PTPRM: variants seen among roughly 807,000 people sequenced by gnomAD.
PTPRM encodes protein tyrosine phosphatase receptor type M, also known as receptor-type tyrosine-protein phosphatase mu.
A neutral mutation model predicts 186.7 loss-of-function variants in PTPRM; 47 were observed. The ratio of observed to expected loss-of-function variants is 0.25; its 90% CI spans 0.20 to 0.32. PTPRM has a LOEUF of 0.32. Among genes scored for constraint, PTPRM ranks in the 10% least tolerant of loss-of-function variants. PTPRM has a pLI of 1.00. For synonymous variants in PTPRM, 668 were observed against 674.9 expected (o/e 0.99, Z 0.16); for missense variants, 1,494 against 1,865.0 (o/e 0.80, Z 3.66).
At chr18:7,933,746 G>T (rs149037601) in intron 5 of PTPRM, among the ~76,000 whole-genome samples, 2 of 152,294 alleles carry the variant, frequency 1.3e-5, no homozygotes, top group African/African-American at 2.4e-5. Flanking sequence ...AGAGGAAATC[G>T]TTTCTCTCTG....
At chr18:8,383,463 C>T (rs987886609) in intron 29 of PTPRM, among the ~76,000 whole-genome samples, 2 of 152,076 alleles carry the variant, frequency 1.3e-5, no homozygotes, top group African/African-American at 2.4e-5. Context: ...AGCAGTTCTT[C>T]CTTCCTGACT....
chr18:7,685,404 A>G (rs1419491528), intron 1 of PTPRM, among the ~76,000 whole-genome samples: 1 of 152,246 alleles, frequency 6.6e-6, no homozygotes, highest in African/African-American at 2.4e-5. Flanking sequence ...CTTAAAGATG[A>G]TAGTAAACGT....
chr18:7,854,863 C>G (rs1418087393), intron 2 of PTPRM, among the ~76,000 whole-genome samples: 2 of 151,796 alleles, frequency 1.3e-5, no homozygotes, highest in African/African-American at 4.8e-5. Flanking sequence ...TTGCTTCATC[C>G]AGCCGACCTA....
intron 11 of PTPRM, among the ~76,000 whole-genome samples, chr18:8,112,445 GT>G (rs2091797548): frequency 6.6e-6 from 1 of 152,154 alleles, no homozygotes; most frequent in Admixed American, 6.5e-5. Flanking sequence ...GCATTAATGG[GT>G]TCTTGTACTG....
At chr18:7,890,044 G>A (rs1164947378) in intron 3 of PTPRM, among the ~76,000 whole-genome samples, 1 of 152,192 alleles carries the variant, frequency 6.6e-6, no homozygotes, top group East Asian at 1.9e-4. Context: ...CCTAACTTAG[G>A]ATCAAAGTGG....
chr18:7,818,498 G>C (rs1318901360), intron 2 of PTPRM, among the ~76,000 whole-genome samples: 1 of 152,176 alleles, frequency 6.6e-6, no homozygotes, highest in African/African-American at 2.4e-5. Flanking sequence ...TGGACTCTGA[G>C]GTTGTATTCA....
intron 2 of PTPRM, among the ~76,000 whole-genome samples, chr18:7,865,840 T>C (rs945898300): frequency 2.0e-5 from 3 of 152,196 alleles, no homozygotes; most frequent in Non-Finnish European, 2.9e-5. Flanking sequence ...GGTAGGCTAT[T>C]AATTACTGCC....
intron 1 of PTPRM, among the ~76,000 whole-genome samples, chr18:7,635,118 A>C (rs2144117642): frequency 6.6e-6 from 1 of 152,282 alleles, no homozygotes; most frequent in East Asian, 1.9e-4. Flanking sequence ...AAAGAACTTA[A>C]AATTTGCATT....
intron 2 of PTPRM, among the ~76,000 whole-genome samples, chr18:7,883,533 C>A (rs1448358642): frequency 6.6e-6 from 1 of 152,144 alleles, no homozygotes; most frequent in Non-Finnish European, 1.5e-5. Flanking sequence ...CTGCAGGTTG[C>A]TAGACTTTCA....
chr18:8,272,900 A>T (rs1309091214), intron 19 of PTPRM, among the ~76,000 whole-genome samples: 2 of 152,180 alleles, frequency 1.3e-5, no homozygotes, highest in Non-Finnish European at 2.9e-5. Context: ...TAAGGAAAAT[A>T]CAAGTTTAGA....
chr18:7,686,222 A>C (rs999101004), intron 1 of PTPRM, among the ~76,000 whole-genome samples: 1 of 152,226 alleles, frequency 6.6e-6, no homozygotes, highest in Non-Finnish European at 1.5e-5. Flanking sequence ...AAATCCATCA[A>C]AATGACTCGG....
chr18:7,827,649 A>G (rs565291549), intron 2 of PTPRM, among the ~76,000 whole-genome samples: 1 of 152,260 alleles, frequency 6.6e-6, no homozygotes, highest in Non-Finnish European at 1.5e-5. Context: ...TTTGTACATC[A>G]GAAGCCAAAA....
In PTPRM at chr18:7,657,596, G is replaced by A. The variant is rs185120980; in HGVS notation, c.73+89705G>A. Among the ~76,000 whole-genome samples the A allele has an allele frequency of 4.7e-3, 719 of 152,214 alleles. 24 individuals are homozygous for A. The highest frequency in any genetic ancestry group is 0.04 in the Admixed American group (604 of 15,284). On this transcript the variant is annotated intron_variant, in intron 1 of 32. Transcript: ENST00000580170. ...AGCTCCATTACTCATTTTCTATGCC[G>A]TATTCTACTCAAATTACACAGTGAT... is the stretch of plus-strand genomic sequence containing the variant.
intron 3 of PTPRM, among the ~76,000 whole-genome samples, chr18:7,897,525 A>T (rs1482616147): frequency 3.9e-5 from 6 of 152,244 alleles, no homozygotes. Context: ...TCAAGAAGCC[A>T]CTGGGGACAC....
chr18:7,767,628 C>T (rs1335694422), intron 1 of PTPRM, among the ~76,000 whole-genome samples: 3 of 152,096 alleles, frequency 2.0e-5, no homozygotes, highest in Non-Finnish European at 2.9e-5. Context: ...TAAATATCCT[C>T]CATTATGCAA....
At chr18:8,380,217 C>T in intron 28 of PTPRM, 79 bp from the exon 29 acceptor site, 4 of 1,481,442 alleles carry the variant, frequency 2.7e-6, no homozygotes, top group Non-Finnish European at 3.7e-6. Flanking sequence ...CCACAAGCTT[C>T]CTTCTGCATG....
At chr18:8,305,355 A>T (rs1021823699) in intron 20 of PTPRM, among the ~76,000 whole-genome samples, 1 of 152,238 alleles carries the variant, frequency 6.6e-6, no homozygotes, top group African/African-American at 2.4e-5. Flanking sequence ...GTCTTGAATT[A>T]AGTCATTGGC....
At chr18:7,703,782 C>G (rs2040016638) in intron 1 of PTPRM, among the ~76,000 whole-genome samples, 1 of 152,074 alleles carries the variant, frequency 6.6e-6, no homozygotes, top group Admixed American at 6.6e-5. Flanking sequence ...CAGCTTTTGC[C>G]CATTCAGTAT....
chr18:7,585,951 C>G (rs2036967689), intron 1 of PTPRM, among the ~76,000 whole-genome samples: 1 of 152,206 alleles, frequency 6.6e-6, no homozygotes, highest in Non-Finnish European at 1.5e-5. Context: ...CACAAAAGAA[C>G]AGCTGATACT....
Sources: allele counts gnomAD v4.1 joint callset (sites outside exome capture counted in the v4.1 genomes callset), GRCh38; gene constraint gnomAD v4.1.1; transcripts MANE v1.5; gene names NCBI Gene and HGNC (gene_info 2026-07-23, HGNC 2026-07-21).